The following SMIM3 variants were observed in gnomAD, a reference collection of about 807,000 sequenced individuals.
SMIM3 encodes the protein NGF-induced differentiation clone 67 protein.
SMIM3 carries 4 observed loss-of-function variants against 2.1 expected under a neutral mutation model. The observed-to-expected ratio is 1.89, with a 90% confidence interval of 0.93 to 4.31. The LOEUF (loss-of-function observed/expected upper bound fraction) is 4.31. Ranked by LOEUF, SMIM3 falls within the 30% of genes most tolerant of loss-of-function variation. The probability of loss-of-function intolerance (pLI) is 0.01; values close to 1 mark genes in which losing one functional copy is unlikely to be tolerated. For missense variants in SMIM3, 79 were observed against 77.7 expected (o/e 1.02, Z -0.06); for synonymous variants, 29 against 30.8 (o/e 0.94, Z 0.19).
rs570459105 is a variant in SMIM3 at position 150,786,305 on chromosome 5, C to T, written c.-12+7333C>T. 7.9e-5 allele frequency among the ~76,000 whole-genome samples: 12 copies of T among 151,996 alleles called. No homozygotes were observed. The East Asian group carries it at 1.2e-3, about 15-fold the overall frequency. ...GGTTCTCTTTGTTGTTGTTGTTTTT[C>T]GAGACAGGGTCTCACTCTGTCACCC... is the stretch of plus-strand genomic sequence containing the variant. On this transcript the variant is annotated intron_variant, in intron 1 of 1. Transcript: ENST00000526627.
At chr5:150,779,067 G>A in intron 1 of SMIM3, 95 bp downstream of exon 1, 5 of 452,514 alleles carry the variant, frequency 1.1e-5, no homozygotes, top group South Asian at 1.6e-5. Context: ...CTTTCCCCGG[G>A]CTCCCAACGT....
At chr5:150,789,916 A>G (rs539480814) in intron 1 of SMIM3, among the ~76,000 whole-genome samples, 10 of 152,274 alleles carry the variant, frequency 6.6e-5, no homozygotes, top group Admixed American at 5.9e-4. Context: ...TCCAGGCTCT[A>G]CTAGAGCAGC....
rs970646222 is a variant in SMIM3, at chr5:150,796,495, A to T, written c.*872A>T. The T allele has an allele frequency of 6.6e-6, 1 of 152,216 alleles. No homozygotes were observed. Among genetic ancestry groups the T allele is most frequent in the African/African-American group, 2.4e-5 (1 of 41,388 alleles). 9.4% of individuals were successfully genotyped at this position (152,216 alleles called of 1,614,324 possible). ...TTATATTTTAAGAGGTGTTCCCAGG[A>T]CTTTTGGGACCTACTAAAACAATGA... is the stretch of plus-strand genomic sequence containing the variant. On this transcript the variant is annotated 3_prime_UTR_variant, in exon 2 of 2. Coordinates refer to ENST00000526627, the MANE Select transcript of SMIM3 (RefSeq NM_032947.5).
At chr5:150,787,137 C>T (rs1298921321) in intron 1 of SMIM3, among the ~76,000 whole-genome samples, 1 of 152,160 alleles carries the variant, frequency 6.6e-6, no homozygotes, top group Non-Finnish European at 1.5e-5. Context: ...ACTGCTCAGT[C>T]TCCATTCTCC....
chr5:150,786,545 C>A (rs1180316717), intron 1 of SMIM3, among the ~76,000 whole-genome samples: 5 of 152,180 alleles, frequency 3.3e-5, no homozygotes, highest in Non-Finnish European at 7.3e-5. Flanking sequence ...CCTTTCCCTC[C>A]AAAAGTGCTG....
intron 1 of SMIM3, among the ~76,000 whole-genome samples, chr5:150,780,435 T>C (rs2113196490): frequency 6.6e-6 from 1 of 152,322 alleles, no homozygotes; most frequent in East Asian, 1.9e-4. Flanking sequence ...CGGGACCTCC[T>C]GTTCCCAGCT....
Position 150,795,433 on chromosome 5 carries a change from G to A in SMIM3, c.-8G>A, listed in dbSNP as rs1177911297. The A allele has an allele frequency of 6.2e-7, 1 of 1,613,778 alleles. No homozygotes were observed. Among genetic ancestry groups the A allele is most frequent in the African/African-American group, 1.3e-5 (1 of 74,932 alleles). ...CTTCCTTTCTTGTCTGTTGCAGAGT[G>A]AAGCAACATGGATGCAGTCAGCCAA... On this transcript the variant is annotated 5_prime_UTR_variant, in exon 2 of 2. Transcript: ENST00000526627.
At chr5:150,780,920 C>A (rs1348597057) in intron 1 of SMIM3, among the ~76,000 whole-genome samples, 1 of 152,160 alleles carries the variant, frequency 6.6e-6, no homozygotes, top group African/African-American at 2.4e-5. Context: ...CTTGTCCTCC[C>A]CCACCCTGAC....
intron 1 of SMIM3, among the ~76,000 whole-genome samples, chr5:150,792,037 T>C (rs974715633): frequency 1.3e-5 from 2 of 152,224 alleles, no homozygotes; most frequent in African/African-American, 4.8e-5. Flanking sequence ...TTGTTGTGTC[T>C]GTTGCCTTAA....
rs192462558 is a variant in SMIM3 at position 150,780,898 on chromosome 5, G to T, written c.-12+1926G>T. Among the ~76,000 whole-genome samples the T allele has an allele frequency of 9.2e-5, 14 of 152,312 alleles. No individual in the cohort carries two copies. In the East Asian group the frequency reaches 1.9e-3, roughly 21 times the overall value. Reference sequence around the variant, plus strand: ...AGGTATAGGAGTAAGTGTTGGCATTGCGACACCCTGCCTTGTCCTCCCCCA... The same window carrying T: ...AGGTATAGGAGTAAGTGTTGGCATTTCGACACCCTGCCTTGTCCTCCCCCA... On this transcript the variant is annotated intron_variant, in intron 1 of 1. Coordinates refer to ENST00000526627, the MANE Select transcript of SMIM3 (RefSeq NM_032947.5).
At chr5:150,781,870 C>G (rs1254417989) in intron 1 of SMIM3, among the ~76,000 whole-genome samples, 2 of 152,228 alleles carry the variant, frequency 1.3e-5, no homozygotes, top group Non-Finnish European at 2.9e-5. Context: ...GTGCCTTAAA[C>G]AGGATGCTGG....
At chr5:150,793,014 G>GT (rs1284253336) in intron 1 of SMIM3, among the ~76,000 whole-genome samples, 3 of 150,148 alleles carry the variant, frequency 2.0e-5, no homozygotes, top group Admixed American at 6.6e-5. Flanking sequence ...AATAAAAACT[G>GT]TTTTTTTCAA....
chr5:150,790,027 T>C (rs1753333356), intron 1 of SMIM3, among the ~76,000 whole-genome samples: 1 of 152,220 alleles, frequency 6.6e-6, no homozygotes, highest in Non-Finnish European at 1.5e-5. Context: ...GAATTTCATT[T>C]ATTCATCTAC....
At chr5:150,782,540 A>C (rs951209299) in intron 1 of SMIM3, among the ~76,000 whole-genome samples, 2 of 152,158 alleles carry the variant, frequency 1.3e-5, no homozygotes, top group African/African-American at 4.8e-5. Context: ...CAAATCAACA[A>C]GTGGGAATCC....
At chr5:150,779,347 T>C (rs1753207967) in intron 1 of SMIM3, among the ~76,000 whole-genome samples, 2 of 152,082 alleles carry the variant, frequency 1.3e-5, no homozygotes, top group East Asian at 3.9e-4. Flanking sequence ...AGGCCCAGCG[T>C]CAGGGTTCAG....
intron 1 of SMIM3, among the ~76,000 whole-genome samples, chr5:150,791,017 TA>T (rs1397038364): frequency 6.6e-6 from 1 of 152,032 alleles, no homozygotes; most frequent in Admixed American, 6.5e-5. Context: ...AAATTAGAAG[TA>T]ATAAATGCTC....
chr5:150,780,922 C>G (rs145909979), intron 1 of SMIM3, among the ~76,000 whole-genome samples: 1 of 152,172 alleles, frequency 6.6e-6, no homozygotes, highest in Admixed American at 6.5e-5. Flanking sequence ...TGTCCTCCCC[C>G]ACCCTGACTG....
intron 1 of SMIM3, among the ~76,000 whole-genome samples, chr5:150,794,971 C>T (rs1753387087): frequency 6.6e-6 from 1 of 151,994 alleles, no homozygotes; most frequent in Non-Finnish European, 1.5e-5. Context: ...GGTATAGGAC[C>T]AAAAACAATG....
rs1232008945 is a variant in SMIM3, at chr5:150,795,602, G to T, written c.162G>T (p.Pro54=). The T allele has an allele frequency of 1.3e-6, 2 of 1,556,416 alleles. No homozygotes were observed. Among genetic ancestry groups the T allele is most frequent in the South Asian group, 1.2e-5 (1 of 85,856 alleles). Residue 54 remains proline, a synonymous_variant, in exon 2 of 2, where the codon CCG becomes CCT. Transcript: ENST00000526627. ...TCATCTATCGCATGCGGACTCATCC[G>T]ATCCTTAGTGGGGCTGTTTGAGAGC... The part of the protein sequence containing the change: ...AVIIYRMRTH[P]ILSGAV
Sources: allele counts gnomAD v4.1 joint callset (sites outside exome capture counted in the v4.1 genomes callset), GRCh38; gene constraint gnomAD v4.1.1; transcripts MANE v1.5; gene names NCBI Gene and HGNC (gene_info 2026-07-23, HGNC 2026-07-21).